MYH14: variants seen among roughly 807,000 people sequenced by gnomAD.
MYH14 encodes myosin-14.
In MYH14, 123 loss-of-function variants were observed where a neutral mutation model predicts 255.5. The ratio of observed to expected loss-of-function variants is 0.48; its 90% CI spans 0.42 to 0.56. MYH14 has a LOEUF of 0.56. Among genes scored for constraint, MYH14 ranks in the 20% least tolerant of loss-of-function variants. MYH14 has a pLI of 0.00. For missense variants in MYH14, 2,423 were observed against 2,802.3 expected, an observed-to-expected ratio of 0.86 and a Z score of 3.06; for synonymous variants, 1,095 against 1,161.2, an observed-to-expected ratio of 0.94 and a Z score of 1.16.
intron 24 of MYH14, among the ~76,000 whole-genome samples, chr19:50,270,209 T>C (rs1425238232): frequency 6.7e-6 from 1 of 148,466 alleles, no homozygotes; most frequent in African/African-American, 2.5e-5. Flanking sequence ...GATGACAGAG[T>C]GAGACCTTTC....
intron 1 of MYH14, among the ~76,000 whole-genome samples, chr19:50,208,764 A>C (rs1225616090): frequency 1.3e-5 from 2 of 152,236 alleles, no homozygotes; most frequent in African/African-American, 4.8e-5. Context: ...ATGTCATCAA[A>C]TATTTAAAAT....
rs753875698 is a variant in MYH14 at position 50,260,740 on chromosome 19, CGTGTGTGCGTGTGTGTGTGTGCGTGCAT to C, written c.2424+27_2424+54del. 2.0e-6 allele frequency: 3 copies of C among 1,468,090 alleles called. No homozygotes were observed. In the Admixed American group the frequency reaches 6.0e-5, roughly 30 times the overall value. 90.9% of individuals were successfully genotyped at this position (1,468,090 alleles called of 1,614,324 possible). A position where few individuals can be genotyped will look rare whatever the true frequency, so the allele number is the denominator to read the frequency against. On this transcript the variant is annotated intron_variant, in intron 20 of 42. Transcript: ENST00000642316. Reference sequence around the variant, plus strand: ...GGTGAGTGGGGCAGAGCCTGGAATGCGTGTGTGCGTGTGTGTGTGTGCGTGCATGAGTGTGCGTGCATGTGTGTGTGCA... The same window carrying C: ...GGTGAGTGGGGCAGAGCCTGGAATGCGAGTGTGCGTGCATGTGTGTGTGCA...
At chr19:50,289,409 G>T in intron 34 of MYH14, 27 bp from the exon 35 acceptor site, 1 of 1,579,908 alleles carries the variant, frequency 6.3e-7, no homozygotes. Context: ...AGTGACCCAG[G>T]TACCCAGCAG....
chr19:50,217,122 C>G (rs2032523877), intron 2 of MYH14, among the ~76,000 whole-genome samples: 1 of 152,132 alleles, frequency 6.6e-6, no homozygotes, highest in Middle Eastern at 3.2e-3. Flanking sequence ...CTCTTCCATC[C>G]TTTCTAATGC....
At chr19:50,286,263 C>T (rs1015100003) in intron 33 of MYH14, 10 of 466,888 alleles carry the variant, frequency 2.1e-5, no homozygotes, top group Admixed American at 3.5e-5. Context: ...TTCTGTTGAA[C>T]ATATAGAGTT....
chr19:50,223,129 C>G lies in MYH14; in HGVS notation c.590+19C>G. ...TCTGCACGTGAGTAATCTGGAAGGA[C>G]TTCCTGGAGGAGGAGAGGTCTGGGT... On this transcript the variant is annotated intron_variant, in intron 4 of 42. Coordinates refer to ENST00000642316, the MANE Select transcript of MYH14 (RefSeq NM_001145809.2). The G allele has an allele frequency of 6.2e-7, 1 of 1,613,564 alleles. No homozygotes were observed. The highest frequency in any genetic ancestry group is 8.5e-7 in the Non-Finnish European group (1 of 1,179,490).
At position 50,217,641 on chromosome 19, in the gene MYH14, C is replaced by A; in HGVS notation, c.432C>A (p.Val144=). Residue 144 remains valine, a synonymous_variant, in exon 3 of 43, where the codon GTC becomes GTA. Transcript: ENST00000642316. ...CGTACTCCGGCCTTTTCTGTGTGGTCATCAACCCGTACAAGCAGCTTCCCA... is the reference window on the plus strand; with the variant it reads ...CGTACTCCGGCCTTTTCTGTGTGGTAATCAACCCGTACAAGCAGCTTCCCA... ...IYTYSGLFCV[V]INPYKQLPIY... 6.2e-7 allele frequency: 1 copy of A among 1,613,848 alleles called. No homozygotes were observed. The highest frequency in any genetic ancestry group is 1.1e-5 in the South Asian group (1 of 91,044).
In MYH14 at chr19:50,309,691, A is replaced by T. The variant is rs73932457; in HGVS notation, c.6012A>T (p.Leu2004=). ...GCACGGTGCGCCAGGTCTTCCGACT[A>T]GAGGAGGGCGTGGCATCCGACGAGG... ...TTRTVRQVFR[L]EEGVASDEEA... Residue 2004 remains leucine, a synonymous_variant, in exon 43 of 43, where the codon CTA becomes CTT. Coordinates refer to ENST00000642316, the MANE Select transcript of MYH14 (RefSeq NM_001145809.2). The T allele has an allele frequency of 2.2e-3, 3,513 of 1,608,952 alleles. 70 individuals carry two copies. The African/African-American group carries it at 0.041, about 19-fold the overall frequency.
At chr19:50,237,914 C>T (rs2033731906) in intron 10 of MYH14, among the ~76,000 whole-genome samples, 1 of 145,126 alleles carries the variant, frequency 6.9e-6, no homozygotes, top group Non-Finnish European at 1.5e-5. Flanking sequence ...AGGACTCACC[C>T]CAATTCAAGA....
chr19:50,247,035 G>A lies in MYH14; in HGVS notation c.1242G>A (p.Leu414=), dbSNP rs1370453733. The A allele has an allele frequency of 1.2e-6, 2 of 1,612,650 alleles. No individual in the cohort carries two copies. The highest frequency in any genetic ancestry group is 1.7e-5 in the Admixed American group (1 of 59,846). ...AGAAGCTCTGCCGCCTCTTGGGACTGGGGGTGACGGATTTCTCCCGAGCCT... is the reference window on the plus strand; with the variant it reads ...AGAAGCTCTGCCGCCTCTTGGGACTAGGGGTGACGGATTTCTCCCGAGCCT... ...AAQKLCRLLG[L]GVTDFSRALL... Residue 414 remains leucine, a synonymous_variant, in exon 12 of 43, where the codon CTG becomes CTA. Transcript: ENST00000642316.
intron 10 of MYH14, among the ~76,000 whole-genome samples, chr19:50,239,700 C>T (rs1471166787): frequency 6.6e-6 from 1 of 152,194 alleles, no homozygotes; most frequent in Non-Finnish European, 1.5e-5. Flanking sequence ...CAGGTGCCTG[C>T]CACCACGCCT....
Position 50,266,184 on chromosome 19 carries a change from G to C in MYH14, c.2695-693G>C, listed in dbSNP as rs1017073156. Among the ~76,000 whole-genome samples the C allele has an allele frequency of 6.6e-6, 1 of 152,236 alleles. No individual in the cohort carries two copies. The highest frequency in any genetic ancestry group is 3.2e-3 in the Middle Eastern group (1 of 316). ...TTTGTGAAATTTTTGTTTCAGTTCT[G>C]TGTGTACCTCTGTCACTGCAGCCTG... On this transcript the variant is annotated intron_variant, in intron 22 of 42. Transcript: ENST00000642316. The surrounding 1 kb of genome is among the most constrained non-coding windows in gnomAD (Gnocchi z 4.1).
chr19:50,210,096 C>CA lies in MYH14; in HGVS notation c.-3-235dup, dbSNP rs71180680. The stretch of plus-strand genomic sequence containing the variant: ...CTGGGCAACAAGCGAGACTCCGTCT[C>CA]AAAAAAAAAAAAAAAAAAAAAAAAA... On this transcript the variant is annotated intron_variant, in intron 1 of 42. Transcript: ENST00000642316. Among the ~76,000 whole-genome samples, 175 of 59,624 alleles carry CA rather than the reference C, an allele frequency of 2.9e-3. 17 individuals are homozygous for CA. The highest frequency in any genetic ancestry group is 5.5e-3 in the African/African-American group (91 of 16,686). 39.1% of individuals were successfully genotyped at this position (59,624 alleles called of 152,430 possible). A position where few individuals can be genotyped will look rare whatever the true frequency, so the allele number is the denominator to read the frequency against.
At chr19:50,226,759 G>C in intron 7 of MYH14, 144 bp from the exon 8 acceptor site, 1 of 749,472 alleles carries the variant, frequency 1.3e-6, no homozygotes, top group East Asian at 2.7e-5. Context: ...ACTCACCACA[G>C]GATGGGGTTC....
In MYH14 at chr19:50,276,077, T is replaced by A; in HGVS notation, c.3554T>A (p.Leu1185Gln). The change falls in exon 28 of 43, where the codon CTG becomes CAG. Residue 1185 changes from leucine (L) to glutamine (Q), a missense_variant. Around this residue, in one of 3 missense-constraint regions of MYH14, gnomAD observed 1,513 missense variants for 1,674.8 expected, o/e 0.90. Transcript: ENST00000642316. The surrounding 1 kb of genome is among the most constrained non-coding windows in gnomAD (Gnocchi z 4.3). Reference sequence around the variant, plus strand: ...GCCCTGGCCGAGGCCCAGGAGGACCTGGAGTCTGAGCGTGTGGCCAGGACC... The same window carrying A: ...GCCCTGGCCGAGGCCCAGGAGGACCAGGAGTCTGAGCGTGTGGCCAGGACC... ...QAALAEAQED[L>Q]ESERVARTKA... 1 of 1,611,334 alleles carries A rather than the reference T, an allele frequency of 6.2e-7. No individual in the cohort carries two copies.
chr19:50,267,645 A>AATAATAATAATAATAATAATG (rs2035139339), intron 23 of MYH14, among the ~76,000 whole-genome samples: 1 of 151,668 alleles, frequency 6.6e-6, no homozygotes, highest in South Asian at 2.1e-4. Flanking sequence ...TAATAATAAT[A>AATAATAATAATAATAATAATG]ATGCTAGAAC....
intron 11 of MYH14, among the ~76,000 whole-genome samples, chr19:50,244,745 A>G (rs1398665005): frequency 1.3e-5 from 2 of 152,046 alleles, no homozygotes; most frequent in African/African-American, 4.8e-5. Flanking sequence ...GGCCTCCCAA[A>G]GTGCTGGGAT....
chr19:50,289,483 T>C lies in MYH14; in HGVS notation c.4800T>C (p.Asn1600=), dbSNP rs772671104. The change falls in exon 35 of 43, where the codon AAT becomes AAC. Residue 1600 remains asparagine, a synonymous_variant. Transcript: ENST00000642316. The part of the protein sequence containing the change: ...RACRVAEQAA[N]DLRAQVTELE... ...GCCGGGTAGCAGAACAGGCAGCCAATGATCTGCGAGCACAGGTGACAGAAC... is the reference window on the plus strand; with the variant it reads ...GCCGGGTAGCAGAACAGGCAGCCAACGATCTGCGAGCACAGGTGACAGAAC... The C allele has an allele frequency of 3.7e-5, 60 of 1,612,888 alleles. 1 individual carries two copies. The South Asian group carries it at 6.1e-4, about 16-fold the overall frequency.
Position 50,250,544 on chromosome 19 carries a change from G to A in MYH14, c.1686G>A (p.Leu562=). 2 of 1,613,782 alleles carry A rather than the reference G, an allele frequency of 1.2e-6. No individual in the cohort carries two copies. The highest frequency in any genetic ancestry group is 1.7e-6 in the Non-Finnish European group (2 of 1,179,876). The change falls in exon 15 of 43, where the codon CTG becomes CTA. Residue 562 remains leucine (L), a synonymous_variant. Coordinates refer to ENST00000642316, the MANE Select transcript of MYH14 (RefSeq NM_001145809.2). The surrounding 1 kb of genome is among the most constrained non-coding windows in gnomAD (Gnocchi z 5.4). Reference sequence around the variant, plus strand: ...ACCCCCCTGGACTCCTGGCCCTGCTGGATGAGGAGTGCTGGTTCCCGAAGG... The same window carrying A: ...ACCCCCCTGGACTCCTGGCCCTGCTAGATGAGGAGTGCTGGTTCCCGAAGG... The part of the protein sequence containing the change: ...PANPPGLLAL[L]DEECWFPKAT...
Sources: allele counts gnomAD v4.1 joint callset (sites outside exome capture counted in the v4.1 genomes callset), GRCh38; gene constraint gnomAD v4.1.1; regional missense constraint gnomAD v4.1.1; non-coding constraint Gnocchi (gnomAD v3.1); transcripts MANE v1.5; gene names NCBI Gene and HGNC (gene_info 2026-07-23, HGNC 2026-07-21).